GIPC2: variants seen among roughly 807,000 people sequenced by gnomAD.
GIPC2 encodes the protein PDZ domain-containing protein GIPC2.
Under a neutral mutation model 30.6 loss-of-function variants are expected in GIPC2, and 30 were observed. That is an observed-to-expected ratio of 0.98 (90% CI 0.73 to 1.33). GIPC2 has a LOEUF of 1.33. Among genes scored for constraint, GIPC2 ranks in the 40% most tolerant of loss-of-function variants. GIPC2 has a pLI of 0.00. For missense variants in GIPC2, 414 were observed against 390.3 expected (o/e 1.06, Z -0.51); for synonymous variants, 167 against 150.0 (o/e 1.11, Z -0.83).
chr1:78,113,731 C>T (rs1231838564), intron 3 of GIPC2, among the ~76,000 whole-genome samples: 1 of 152,176 alleles, frequency 6.6e-6, no homozygotes, highest in Non-Finnish European at 1.5e-5. Context: ...GTTGCCCAGG[C>T]TGGTCCTGAA....
At chr1:78,077,118 G>T (rs934050325) in intron 1 of GIPC2, among the ~76,000 whole-genome samples, 1 of 152,020 alleles carries the variant, frequency 6.6e-6, no homozygotes, top group African/African-American at 2.4e-5. Context: ...GCCCAATGTT[G>T]TAACCACTAG....
chr1:78,045,253 C>A (rs1661046950), upstream of GIPC2, among the ~76,000 whole-genome samples: 1 of 152,124 alleles, frequency 6.6e-6, no homozygotes, highest in Non-Finnish European at 1.5e-5. Context: ...AATTTCGTAG[C>A]TAATAATTCA....
At chr1:78,082,433 T>C (rs1035655991) in intron 2 of GIPC2, among the ~76,000 whole-genome samples, 3 of 152,202 alleles carry the variant, frequency 2.0e-5, no homozygotes, top group African/African-American at 7.2e-5. Flanking sequence ...TATTTTTAGC[T>C]CTGCAAAAGA....
At chr1:78,091,678 T>C (rs1215027958) in intron 2 of GIPC2, 1 of 773,036 alleles carries the variant, frequency 1.3e-6, no homozygotes, top group Non-Finnish European at 2.4e-6. Context: ...AGTCTGCTGT[T>C]TTCTATAGTG....
intron 3 of GIPC2, among the ~76,000 whole-genome samples, chr1:78,098,692 G>A (rs193236753): frequency 6.6e-6 from 1 of 151,584 alleles, no homozygotes; most frequent in Admixed American, 6.6e-5. Flanking sequence ...AATGCAACTG[G>A]ATTTGTAGAT....
chr1:78,056,258 C>A, intron 1 of GIPC2, among the ~76,000 whole-genome samples: 1 of 152,178 alleles, frequency 6.6e-6, no homozygotes, highest in East Asian at 1.9e-4. Context: ...AGGAGGATCA[C>A]TTGAGCTCAG....
At chr1:78,120,500 T>C (rs1432846208) in intron 4 of GIPC2, among the ~76,000 whole-genome samples, 1 of 152,174 alleles carries the variant, frequency 6.6e-6, no homozygotes, top group Non-Finnish European at 1.5e-5. Flanking sequence ...CACTCTTCCA[T>C]GTCCTTAATT....
intron 2 of GIPC2, among the ~76,000 whole-genome samples, chr1:78,088,380 A>G (rs1661974092): frequency 6.6e-6 from 1 of 152,246 alleles, no homozygotes; most frequent in Non-Finnish European, 1.5e-5. Flanking sequence ...TGGATAAAGA[A>G]ATGTGGTACA....
At chr1:78,060,433 C>T (rs559241589) in intron 1 of GIPC2, among the ~76,000 whole-genome samples, 1 of 152,290 alleles carries the variant, frequency 6.6e-6, no homozygotes, top group East Asian at 1.9e-4. Flanking sequence ...GTGTGTACCA[C>T]TGCAGCCGAC....
At chr1:78,075,804 G>A (rs565432912) in intron 1 of GIPC2, among the ~76,000 whole-genome samples, 1 of 152,328 alleles carries the variant, frequency 6.6e-6, no homozygotes, top group Admixed American at 6.5e-5. Context: ...GGAATAGGGG[G>A]ATGTGAGTCA....
At chr1:78,131,091 C>T (rs1662885622) in intron 5 of GIPC2, among the ~76,000 whole-genome samples, 1 of 152,116 alleles carries the variant, frequency 6.6e-6, no homozygotes, top group Non-Finnish European at 1.5e-5. Flanking sequence ...CCTACATCAC[C>T]CTCCCAAGTA....
chr1:78,088,687 A>G (rs1321236972), intron 2 of GIPC2, among the ~76,000 whole-genome samples: 1 of 152,108 alleles, frequency 6.6e-6, no homozygotes. Context: ...TACAGCAAAT[A>G]GAAAAAATTA....
chr1:78,111,040 C>A lies in GIPC2; in HGVS notation c.608-8353C>A, dbSNP rs539536172. Among the ~76,000 whole-genome samples, 6 of 152,286 alleles carry A rather than the reference C, an allele frequency of 3.9e-5. No homozygotes were observed. The South Asian group carries it at 1.2e-3, about 32-fold the overall frequency. Reference sequence around the variant, plus strand: ...ATCCTGCCGAGTGCTGCTGAGTTGCCATCTGGCCCACCCTTTGATATTTCT... The same window carrying A: ...ATCCTGCCGAGTGCTGCTGAGTTGCAATCTGGCCCACCCTTTGATATTTCT... On this transcript the variant is annotated intron_variant, in intron 3 of 5. Coordinates refer to ENST00000370759, the MANE Select transcript of GIPC2 (RefSeq NM_017655.6).
At chr1:78,128,706 T>C (rs1486239269) in intron 5 of GIPC2, among the ~76,000 whole-genome samples, 1 of 152,136 alleles carries the variant, frequency 6.6e-6, no homozygotes, top group East Asian at 1.9e-4. Context: ...AGATATGATA[T>C]AGTATTGCTT....
intron 1 of GIPC2, 57 bp downstream of exon 1, chr1:78,046,391 G>C: frequency 6.7e-7 from 1 of 1,498,490 alleles, no homozygotes. Context: ...GCCGCGCCGC[G>C]CGTATTTCTG....
chr1:78,056,742 A>G (rs1339214135), intron 1 of GIPC2, among the ~76,000 whole-genome samples: 2 of 152,330 alleles, frequency 1.3e-5, no homozygotes, highest in East Asian at 3.9e-4. Flanking sequence ...AGAACCTTCC[A>G]TGTGCCCCTT....
At chr1:78,099,462 G>A (rs1386262614) in intron 3 of GIPC2, among the ~76,000 whole-genome samples, 4 of 147,282 alleles carry the variant, frequency 2.7e-5, no homozygotes, top group African/African-American at 7.7e-5. Flanking sequence ...TTTTTGAGAC[G>A]GAGTTTTGCT....
chr1:78,052,359 G>A (rs1345752342), intron 1 of GIPC2, among the ~76,000 whole-genome samples: 1 of 152,196 alleles, frequency 6.6e-6, no homozygotes, highest in East Asian at 1.9e-4. Context: ...TTTTGTCTTT[G>A]TTTACTGATG....
At position 78,138,042 on chromosome 1, in the gene GIPC2, T is replaced by C. The variant is rs1663038784; in HGVS notation, c.*2299T>C. The stretch of plus-strand genomic sequence containing the variant: ...TGGAAGATGATTATTTTGTTTGTTC[T>C]TGATTTCCTGTTATTGAAAACAGCA... On this transcript the variant is annotated 3_prime_UTR_variant, in exon 6 of 6. Transcript: ENST00000370759. 6.6e-6 allele frequency: 1 copy of C among 152,154 alleles called. No individual in the cohort carries two copies. The highest frequency in any genetic ancestry group is 2.4e-5 in the African/African-American group (1 of 41,442). 9.4% of individuals were successfully genotyped at this position (152,154 alleles called of 1,614,324 possible).
Sources: allele counts gnomAD v4.1 joint callset (sites outside exome capture counted in the v4.1 genomes callset), GRCh38; gene constraint gnomAD v4.1.1; transcripts MANE v1.5; gene names NCBI Gene and HGNC (gene_info 2026-07-23, HGNC 2026-07-21).